ANKDD1A: variants seen among roughly 807,000 people sequenced by gnomAD.
The protein encoded by ANKDD1A is ankyrin repeat and death domain containing 1A, also known as ankyrin repeat and death domain-containing protein 1A.
In ANKDD1A, 59 loss-of-function variants were observed where a neutral mutation model predicts 63.5. The ratio of observed to expected loss-of-function variants is 0.93; its 90% CI spans 0.75 to 1.15. ANKDD1A has a LOEUF of 1.15. ANKDD1A is among the 50% of genes most tolerant of loss of function. ANKDD1A has a pLI of 0.00. For missense variants in ANKDD1A, 632 were observed against 656.4 expected (o/e 0.96, Z 0.41); for synonymous variants, 266 against 263.9 (o/e 1.01, Z -0.08).
intron 14 of ANKDD1A, among the ~76,000 whole-genome samples, chr15:64,952,257 CTTCCTT>C (rs2085302661): frequency 2.0e-5 from 3 of 147,850 alleles, no homozygotes; most frequent in Non-Finnish European, 4.5e-5. Flanking sequence ...TCTTCTCCTT[CTTCCTT>C]CTCCTTCTTT....
In ANKDD1A at chr15:64,942,530, A is replaced by C; in HGVS notation, c.931A>C (p.Ile311Leu). The change falls in exon 10 of 15, where the codon ATC becomes CTC. Residue 311 changes from isoleucine (I) to leucine (L), a missense_variant. By Grantham distance (5) the Ile-to-Leu change is conservative. Transcript: ENST00000319580. ...HNFPALVRLLINSDSDVNAVD... is the reference protein window; with the variant it reads ...HNFPALVRLLLNSDSDVNAVD... ...CTTCCCTGCCTTGGTCCGGCTCCTCATCAACTCCGACAGTGACGTGAATGC... is the reference window on the plus strand; with the variant it reads ...CTTCCCTGCCTTGGTCCGGCTCCTCCTCAACTCCGACAGTGACGTGAATGC... The C allele has an allele frequency of 1.2e-6, 2 of 1,613,786 alleles. No individual in the cohort carries two copies. Among genetic ancestry groups the C allele is most frequent in the Non-Finnish European group, 8.5e-7 (1 of 1,179,904 alleles).
intron 14 of ANKDD1A, among the ~76,000 whole-genome samples, 179 bp from the exon 15 acceptor site, chr15:64,956,924 A>G (rs1019099840): frequency 1.6e-4 from 24 of 152,226 alleles, no homozygotes; most frequent in African/African-American, 5.3e-4. Flanking sequence ...GATATATGAT[A>G]GGGAAAAAAT....
chr15:64,952,150 CCT>C (rs200789776), intron 14 of ANKDD1A, among the ~76,000 whole-genome samples: 2,902 of 145,708 alleles, frequency 0.02, 42 homozygotes, highest in Admixed American at 0.029. Flanking sequence ...TATTCTTCTT[CCT>C]CTTTCTTCAT....
At chr15:64,954,668 GTCTCTTCTTCT>G (rs2085393893) in intron 14 of ANKDD1A, among the ~76,000 whole-genome samples, 3 of 98,314 alleles carry the variant, frequency 3.1e-5, no homozygotes, top group Admixed American at 1.1e-4. Context: ...CTTTCTTCTT[GTCTCTTCTTCT>G]TCTCTCCTTC....
Position 64,944,646 on chromosome 15 carries a change from T to C in ANKDD1A, c.1066-6T>C, listed in dbSNP as rs372002759. 4.1e-4 allele frequency: 667 copies of C among 1,613,658 alleles called. 3 individuals carry two copies. The Middle Eastern group carries it at 8.1e-3, about 20-fold the overall frequency. Reference sequence around the variant, plus strand: ...TCTGGCTTCTCTTCTTGCCTCTTAATTGCAGCAGGGAAAAACCGCCCTGGC... The same window carrying C: ...TCTGGCTTCTCTTCTTGCCTCTTAACTGCAGCAGGGAAAAACCGCCCTGGC... On this transcript the variant is annotated splice_polypyrimidine_tract_variant and splice_region_variant and intron_variant, in intron 11 of 14. Coordinates refer to ENST00000319580, the MANE Select transcript of ANKDD1A (RefSeq NM_182703.6).
chr15:64,949,801 G>C, intron 13 of ANKDD1A, 40 bp from the exon 14 acceptor site: 1 of 1,592,194 alleles, frequency 6.3e-7, no homozygotes. Flanking sequence ...GGCCCCATTG[G>C]CTCCTTCTCC....
Position 64,917,457 on chromosome 15 carries a change from C to T in ANKDD1A, c.210C>T (p.His70=), listed in dbSNP as rs774259704. 2.5e-6 allele frequency: 4 copies of T among 1,606,674 alleles called. No individual in the cohort carries two copies. Among genetic ancestry groups the T allele is most frequent in the Admixed American group, 1.7e-5 (1 of 58,858 alleles). Residue 70 remains histidine (H), a synonymous_variant, in exon 3 of 15, where the codon CAC becomes CAT. Transcript: ENST00000319580. The part of the protein sequence containing the change: ...HEQAVRLLLE[H]EAAVDEEDAV... ...AGGCTGTGCGTCTGCTTCTGGAGCA[C>T]GAGGCTGCTGTGGACGAGGAGGATG... is the stretch of plus-strand genomic sequence containing the variant.
chr15:64,944,866 T>C, intron 12 of ANKDD1A, 119 bp downstream of exon 12: 3 of 892,012 alleles, frequency 3.4e-6, no homozygotes, highest in Non-Finnish European at 5.1e-6. Flanking sequence ...TCCAAGCAGG[T>C]GATAATCACC....
At chr15:64,931,979 C>T (rs1208076038) in intron 8 of ANKDD1A, 6 of 250,868 alleles carry the variant, frequency 2.4e-5, no homozygotes, top group Admixed American at 5.0e-5. Flanking sequence ...CTGTAACCTC[C>T]GCCTCCTGGG....
At chr15:64,952,978 G>C (rs1362796731) in intron 14 of ANKDD1A, among the ~76,000 whole-genome samples, 39 of 139,730 alleles carry the variant, frequency 2.8e-4, no homozygotes, top group African/African-American at 1.0e-3. Flanking sequence ...TTTTCTTCTT[G>C]TCTCTCCTTC....
At position 64,926,936 on chromosome 15, in the gene ANKDD1A, C is replaced by T. The variant is rs765982673; in HGVS notation, c.507C>T (p.His169=). The T allele has an allele frequency of 3.8e-5, 61 of 1,614,068 alleles. No individual in the cohort carries two copies. Among genetic ancestry groups the T allele is most frequent in the African/African-American group, 1.2e-4 (9 of 74,916 alleles). Reference sequence around the variant, plus strand: ...CGGCGTTTCACAGGGCAGCTGAGCACGGGCAGCTGGATGCTCTGGACTTCC... The same window carrying T: ...CGGCGTTTCACAGGGCAGCTGAGCATGGGCAGCTGGATGCTCTGGACTTCC... ...GRTAFHRAAE[H]GQLDALDFLV... The change falls in exon 6 of 15, where the codon CAC becomes CAT. Residue 169 remains histidine, a synonymous_variant. Coordinates refer to ENST00000319580, the MANE Select transcript of ANKDD1A (RefSeq NM_182703.6).
chr15:64,913,033 T>TG (rs942850345), intron 1 of ANKDD1A, among the ~76,000 whole-genome samples: 1 of 152,114 alleles, frequency 6.6e-6, no homozygotes, highest in Non-Finnish European at 1.5e-5. Flanking sequence ...GGGAGGTGGA[T>TG]GGAAGAGATG....
At position 64,957,327 on chromosome 15, in the gene ANKDD1A, G is replaced by T. The variant is rs1355438360; in HGVS notation, c.*139G>T. On this transcript the variant is annotated 3_prime_UTR_variant, in exon 15 of 15. Coordinates refer to ENST00000319580, the MANE Select transcript of ANKDD1A (RefSeq NM_182703.6). ...CCTTTTTCCACCTTAAATAATAAGA[G>T]TAGAATACTTTCTGTGTTTTTATCT... The T allele has an allele frequency of 3.9e-6, 1 of 257,790 alleles. No individual in the cohort carries two copies. Among genetic ancestry groups the T allele is most frequent in the Non-Finnish European group, 7.7e-6 (1 of 129,574 alleles). The allele number at this position is 257,790 out of a possible 1,614,324, so 16.0% of individuals were successfully genotyped here.
chr15:64,935,629 C>T lies in ANKDD1A; in HGVS notation c.867+1395C>T, dbSNP rs963320303. ...GGCAGAGCTTGCAGTGAGCCGAGAT[C>T]GCACCACTGCACTCCAGCCTGGGCG... is the stretch of plus-strand genomic sequence containing the variant. On this transcript the variant is annotated intron_variant, in intron 9 of 14. Coordinates refer to ENST00000319580, the MANE Select transcript of ANKDD1A (RefSeq NM_182703.6). 7.9e-5 allele frequency among the ~76,000 whole-genome samples: 12 copies of T among 151,788 alleles called. No individual in the cohort carries two copies. In the East Asian group the frequency reaches 9.7e-4, roughly 12 times the overall value.
Position 64,949,973 on chromosome 15 carries a change from G to T in ANKDD1A, c.1483+1G>T, listed in dbSNP as rs747394699. 8.1e-6 allele frequency: 13 copies of T among 1,609,018 alleles called. No homozygotes were observed. The highest frequency in any genetic ancestry group is 1.1e-5 in the Non-Finnish European group (13 of 1,179,892). ...GCCATTGGCAGGAGGGACCTGGCTG[G>T]TAAGAGCGTACTCTGCTGGGCTGCT... is the stretch of plus-strand genomic sequence containing the variant. On this transcript the variant is annotated splice_donor_variant, in intron 14 of 14. Coordinates refer to ENST00000319580, the MANE Select transcript of ANKDD1A (RefSeq NM_182703.6). LOFTEE classifies it high-confidence loss of function.
intron 12 of ANKDD1A, among the ~76,000 whole-genome samples, chr15:64,947,072 AAG>A (rs2085229263): frequency 6.6e-6 from 1 of 152,194 alleles, no homozygotes; most frequent in Non-Finnish European, 1.5e-5. Context: ...GAACACAGGA[AAG>A]AGAGGCAGGT....
chr15:64,934,898 G>T (rs922900502), intron 9 of ANKDD1A, among the ~76,000 whole-genome samples: 2 of 151,726 alleles, frequency 1.3e-5, no homozygotes, highest in Admixed American at 6.6e-5. Context: ...TATACATTTG[G>T]TCCACACACA....
chr15:64,951,432 T>C (rs991587555), intron 14 of ANKDD1A: 1 of 164,406 alleles, frequency 6.1e-6, no homozygotes, highest in Admixed American at 1.2e-4. Context: ...CTTTTCTTCT[T>C]TTTCTTTCTT....
At chr15:64,927,023 G>A (rs199532025) in intron 6 of ANKDD1A, 24 bp downstream of exon 6, 3 of 1,613,166 alleles carry the variant, frequency 1.9e-6, no homozygotes, top group African/African-American at 1.3e-5. Context: ...GAGGCTCTGG[G>A]ATCCTGACCA....
Sources: allele counts gnomAD v4.1 joint callset (sites outside exome capture counted in the v4.1 genomes callset), GRCh38; gene constraint gnomAD v4.1.1; transcripts MANE v1.5; gene names NCBI Gene and HGNC (gene_info 2026-07-23, HGNC 2026-07-21).